XIRP2: variants seen among roughly 807,000 people sequenced by gnomAD.
XIRP2 encodes the protein xin actin-binding repeat-containing protein 2.
XIRP2 carries 236 observed loss-of-function variants against 277.0 expected under a neutral mutation model. The observed-to-expected ratio is 0.85, with a 90% confidence interval of 0.77 to 0.95. The LOEUF (loss-of-function observed/expected upper bound fraction) is 0.95. Among genes scored for constraint, XIRP2 ranks in the 40% least tolerant of loss-of-function variants. The pLI is 0.00. For synonymous variants in XIRP2, 1,490 were observed against 1,416.5 expected, an observed-to-expected ratio of 1.05 and a Z score of -1.17; for missense variants, 4,640 against 4,157.5, an observed-to-expected ratio of 1.12 and a Z score of -3.19.
At chr2:167,119,048 G>A (rs1323906739) in intron 2 of XIRP2, among the ~76,000 whole-genome samples, 2 of 152,148 alleles carry the variant, frequency 1.3e-5, no homozygotes, top group Non-Finnish European at 2.9e-5. Flanking sequence ...CAAGGAAGGT[G>A]TTGATGAGAT....
intron 2 of XIRP2, among the ~76,000 whole-genome samples, chr2:167,096,291 CG>C (rs1474004998): frequency 6.6e-6 from 1 of 151,390 alleles, no homozygotes; most frequent in African/African-American, 2.4e-5. Context: ...GTGTATGTGT[CG>C]AGGAATTTAT....
intron 2 of XIRP2, among the ~76,000 whole-genome samples, chr2:166,999,543 ATAAATT>A (rs961251369): frequency 1.3e-5 from 2 of 152,142 alleles, no homozygotes; most frequent in Non-Finnish European, 2.9e-5. Context: ...AACTTGACTG[ATAAATT>A]TAATGTTGAA....
intron 2 of XIRP2, among the ~76,000 whole-genome samples, chr2:166,983,956 C>A (rs1486379252): frequency 6.6e-6 from 1 of 152,080 alleles, no homozygotes; most frequent in Non-Finnish European, 1.5e-5. Flanking sequence ...TTCCTTCAAC[C>A]AGTATTTAAA....
At chr2:167,180,524 A>G (rs920129023) in intron 3 of XIRP2, among the ~76,000 whole-genome samples, 2 of 152,070 alleles carry the variant, frequency 1.3e-5, no homozygotes, top group Admixed American at 6.5e-5. Flanking sequence ...TTTGCAGTCT[A>G]TTTTAGTCTT....
rs1553475346 is a variant in XIRP2 at position 166,982,327 on chromosome 2, T to TTA, written c.408+78437_408+78438insTA. Among the ~76,000 whole-genome samples, 36 of 146,508 alleles carry TTA rather than the reference T, an allele frequency of 2.5e-4. 1 individual carries two copies. The highest frequency in any genetic ancestry group is 9.8e-4 in the East Asian group (5 of 5,088). ...TATGTTTAGGTACAGTTTTTTTTTT[T>TTA]AAAAAAAAAACAGTCTGGGTTAATA... On this transcript the variant is annotated intron_variant, in intron 2 of 10. Coordinates refer to ENST00000409195, the MANE Select transcript of XIRP2 (RefSeq NM_152381.6).
intron 2 of XIRP2, among the ~76,000 whole-genome samples, chr2:167,085,492 T>A (rs1689908632): frequency 6.6e-6 from 1 of 151,912 alleles, no homozygotes; most frequent in Admixed American, 6.6e-5. Flanking sequence ...AGTTCCTGGG[T>A]ATCCTTGTTG....
intron 5 of XIRP2, among the ~76,000 whole-genome samples, chr2:167,228,117 G>A (rs879864235): frequency 6.6e-6 from 1 of 152,116 alleles, no homozygotes; most frequent in African/African-American, 2.4e-5. Context: ...TGGGATTGAA[G>A]ATGTGCCCAT....
intron 2 of XIRP2, among the ~76,000 whole-genome samples, chr2:167,042,165 G>A (rs760316675): frequency 1.3e-5 from 2 of 152,136 alleles, no homozygotes; most frequent in South Asian, 2.1e-4. Flanking sequence ...GACCAGACCT[G>A]CCTTACAACA....
chr2:166,914,473 T>C (rs1684807529), intron 2 of XIRP2, among the ~76,000 whole-genome samples: 1 of 152,162 alleles, frequency 6.6e-6, no homozygotes, highest in South Asian at 2.1e-4. Context: ...CCCGAGTAGC[T>C]GGGACTACAG....
At chr2:167,128,234 C>T (rs1239666540) in intron 2 of XIRP2, among the ~76,000 whole-genome samples, 2 of 152,150 alleles carry the variant, frequency 1.3e-5, no homozygotes, top group East Asian at 1.9e-4. Flanking sequence ...CTAATGTAGG[C>T]TTTTTCTATC....
intron 2 of XIRP2, among the ~76,000 whole-genome samples, chr2:167,089,529 G>C (rs1342296334): frequency 1.3e-5 from 2 of 152,144 alleles, no homozygotes; most frequent in African/African-American, 4.8e-5. Context: ...GTGCGCATGA[G>C]GGTCAAGATT....
intron 2 of XIRP2, among the ~76,000 whole-genome samples, chr2:167,040,084 T>C (rs955547617): frequency 6.6e-6 from 1 of 152,208 alleles, no homozygotes; most frequent in Admixed American, 6.5e-5. Flanking sequence ...ATTATCATGA[T>C]TCTTTCAATA....
chr2:167,225,042 A>G (rs1694551073), intron 5 of XIRP2, among the ~76,000 whole-genome samples: 1 of 152,230 alleles, frequency 6.6e-6, no homozygotes. Flanking sequence ...AACCCCAACT[A>G]TAATAAATGA....
chr2:167,033,525 A>G (rs746017767), intron 2 of XIRP2, among the ~76,000 whole-genome samples: 2 of 152,200 alleles, frequency 1.3e-5, no homozygotes, highest in Non-Finnish European at 2.9e-5. Flanking sequence ...CAAGAAGGTT[A>G]TAGAACAAGC....
At chr2:167,218,056 C>A (rs749247397) in intron 4 of XIRP2, 110 bp from the exon 5 acceptor site, 2 of 925,320 alleles carry the variant, frequency 2.2e-6, no homozygotes, top group Non-Finnish European at 3.0e-6. Flanking sequence ...ATGTGAATAT[C>A]TTTTTAAGAT....
intron 2 of XIRP2, among the ~76,000 whole-genome samples, chr2:167,005,740 G>A (rs1338095877): frequency 1.3e-5 from 2 of 151,482 alleles, no homozygotes; most frequent in African/African-American, 4.8e-5. Context: ...TGAACATCTG[G>A]AAAGTACTGG....
chr2:167,080,319 A>G (rs1411932423), intron 2 of XIRP2, among the ~76,000 whole-genome samples: 1 of 152,230 alleles, frequency 6.6e-6, no homozygotes, highest in Admixed American at 6.5e-5. Context: ...CTCAGAGAAG[A>G]CAAAAATCCC....
chr2:167,100,245 G>T (rs2105285196), intron 2 of XIRP2, among the ~76,000 whole-genome samples: 2 of 152,092 alleles, frequency 1.3e-5, no homozygotes. Flanking sequence ...ATGAAGTACT[G>T]TGTGTAGACT....
intron 3 of XIRP2, among the ~76,000 whole-genome samples, chr2:167,153,038 A>C (rs570482716): frequency 7.9e-5 from 12 of 152,180 alleles, no homozygotes; most frequent in African/African-American, 2.6e-4. Flanking sequence ...ATTATGATTT[A>C]TTTGTTTGCC....
Sources: gnomAD v4.1 joint callset for allele counts (sites outside exome capture counted in the v4.1 genomes callset) on GRCh38, gnomAD v4.1.1 for gene constraint, MANE v1.5 for transcripts, NCBI Gene and HGNC (gene_info 2026-07-23, HGNC 2026-07-21) for gene names.